BPIFB3: variants seen among roughly 807,000 people sequenced by gnomAD.
The protein encoded by BPIFB3 is BPI fold-containing family B member 3.
BPIFB3 carries 49 observed loss-of-function variants against 53.1 expected under a neutral mutation model. The ratio of observed to expected loss-of-function variants is 0.92; its 90% CI spans 0.73 to 1.17. The LOEUF (loss-of-function observed/expected upper bound fraction) is 1.17. Among genes scored for constraint, BPIFB3 ranks in the 50% most tolerant of loss-of-function variants. The pLI is 0.00. For missense variants in BPIFB3, 628 were observed against 592.5 expected, an observed-to-expected ratio of 1.06 and a Z score of -0.62; for synonymous variants, 271 against 269.6, an observed-to-expected ratio of 1.01 and a Z score of -0.05.
At chr20:33,064,430 C>T (rs762253854) in intron 6 of BPIFB3, 27 bp from the exon 8 acceptor site, 46 of 1,578,076 alleles carry the variant, frequency 2.9e-5, no homozygotes, top group Middle Eastern at 1.7e-4. Flanking sequence ...CTTATAGGGT[C>T]GTTCTCGCCC....
chr20:33,061,778 A>G (rs1393015897), exon 5 of BPIFB3: 1 of 1,614,178 alleles, frequency 6.2e-7, no homozygotes, highest in South Asian at 1.1e-5. Context: ...GCTGCTGCCC[A>G]CACCACTCTT....
rs145354732 is a variant in BPIFB3, at chr20:33,072,724, G to A, written c.1332G>A (p.Leu444=). 144 of 1,612,950 alleles carry A rather than the reference G, an allele frequency of 8.9e-5. No homozygotes were observed. The African/African-American group carries it at 1.7e-3, about 20-fold the overall frequency. The change falls in exon 14 of 15, where the codon CTG becomes CTA. Residue 444 remains leucine, a synonymous_variant. Coordinates refer to ENST00000375494, the Ensembl canonical transcript of BPIFB3. ...ACGATTCTCTTTTCACAGTGGCCCT[G>A]GATGTTGGAATTCCCCTGCCTAAGG...
At chr20:33,063,700 TC>T in intron 6 of BPIFB3, 25 bp downstream of exon 7, 2 of 1,610,380 alleles carry the variant, frequency 1.2e-6, no homozygotes, top group Non-Finnish European at 1.7e-6. Flanking sequence ...AATGCCCTCC[TC>T]TTTGCCCCTT....
At position 33,070,171 on chromosome 20, in the gene BPIFB3, C is replaced by T. The variant is rs563713817; in HGVS notation, c.1217+216C>T. 6.6e-5 allele frequency among the ~76,000 whole-genome samples: 10 copies of T among 152,278 alleles called. No individual in the cohort carries two copies. In the East Asian group the frequency reaches 9.6e-4, roughly 15 times the overall value. ...TCAGAGCAGCAGGCTCAAGAGTGGG[C>T]TTCTTCCACGGCACCCTTTTGCTGC... On this transcript the variant is annotated intron_variant, in intron 11 of 14. Coordinates refer to ENST00000375494, the Ensembl canonical transcript of BPIFB3.
At chr20:33,059,649 A>G (rs897414735) in intron 3 of BPIFB3, among the ~76,000 whole-genome samples, 167 bp downstream of exon 4, 2 of 150,692 alleles carry the variant, frequency 1.3e-5, no homozygotes, top group Non-Finnish European at 3.0e-5. Flanking sequence ...TCCCCCCTGG[A>G]TCCTATGCCA....
At chr20:33,063,409 G>T (rs1310746430) in intron 5 of BPIFB3, among the ~76,000 whole-genome samples, 1 of 152,160 alleles carries the variant, frequency 6.6e-6, no homozygotes, top group African/African-American at 2.4e-5. Flanking sequence ...AGGGAAGACA[G>T]CTTGGGGGCC....
intron 5 of BPIFB3, 63 bp downstream of exon 6, chr20:33,061,894 G>A: frequency 6.3e-7 from 1 of 1,586,320 alleles, no homozygotes; most frequent in South Asian, 1.1e-5. Context: ...TCCCCCTCTG[G>A]TTTTGGGTGA....
chr20:33,059,339 T>A, intron 2 of BPIFB3, 39 bp from the exon 4 acceptor site: 1 of 1,514,018 alleles, frequency 6.6e-7, no homozygotes, highest in Non-Finnish European at 9.1e-7. Flanking sequence ...GGCTGGGATG[T>A]CTGGGAGTGA....
chr20:33,069,665 C>T (rs1478793014), intron 10 of BPIFB3, among the ~76,000 whole-genome samples: 1 of 152,200 alleles, frequency 6.6e-6, no homozygotes, highest in Non-Finnish European at 1.5e-5. Flanking sequence ...CCCAGAGCTT[C>T]CTCTCCTACA....
intron 12 of BPIFB3, among the ~76,000 whole-genome samples, 158 bp downstream of exon 13, chr20:33,071,453 G>A (rs368320028): frequency 3.9e-5 from 6 of 152,114 alleles, no homozygotes; most frequent in African/African-American, 1.4e-4. Context: ...CAGGGCGGGT[G>A]TGCGTGAGAG....
intron 8 of BPIFB3, among the ~76,000 whole-genome samples, chr20:33,066,128 A>G (rs1980661868): frequency 6.6e-6 from 1 of 152,144 alleles, no homozygotes; most frequent in Non-Finnish European, 1.5e-5. Context: ...AGAAGTGGGC[A>G]TATGTAGTTC....
Position 33,070,587 on chromosome 20 carries a change from C to T in BPIFB3, c.1217+632C>T, listed in dbSNP as rs534233471. Among the ~76,000 whole-genome samples, 8 of 152,340 alleles carry T rather than the reference C, an allele frequency of 5.3e-5. No homozygotes were observed. The South Asian group carries it at 6.2e-4, about 12-fold the overall frequency. ...CAGTGCTGTCACCATGGCAGGGCCC[C>T]GGCCTGTCTGTCCCTCCCCTGGCAG... On this transcript the variant is annotated intron_variant, in intron 11 of 14. Transcript: ENST00000375494.
intron 1 of BPIFB3, 57 bp from the exon 3 acceptor site, chr20:33,056,485 G>A: frequency 6.3e-7 from 1 of 1,592,162 alleles, no homozygotes. Context: ...CAGCTGCCAT[G>A]GTCCTGGGGG....
intron 12 of BPIFB3, 49 bp downstream of exon 13, chr20:33,071,344 G>T: frequency 6.5e-7 from 1 of 1,545,264 alleles, no homozygotes. Flanking sequence ...GAGTCTTCAG[G>T]TGTGGCATGG....
At position 33,059,367 on chromosome 20, in the gene BPIFB3, T is replaced by C; in HGVS notation, c.282-11T>C. On this transcript the variant is annotated splice_polypyrimidine_tract_variant and intron_variant, in intron 2 of 14. Coordinates refer to ENST00000375494, the Ensembl canonical transcript of BPIFB3. Reference sequence around the variant, plus strand: ...GGGAGTGAGCAACCCTCTCCCTGACTCCCATCCTAGTCTGAAGATTGAGGA... The same window carrying C: ...GGGAGTGAGCAACCCTCTCCCTGACCCCCATCCTAGTCTGAAGATTGAGGA... The C allele has an allele frequency of 6.2e-7, 1 of 1,603,670 alleles. No homozygotes were observed. The highest frequency in any genetic ancestry group is 2.2e-5 in the East Asian group (1 of 44,668).
At chr20:33,056,799 G>T (rs924302294) in intron 2 of BPIFB3, 101 bp downstream of exon 3, 54 of 1,390,100 alleles carry the variant, frequency 3.9e-5, no homozygotes, top group Non-Finnish European at 4.4e-5. Context: ...GGCAGTGAAG[G>T]TTGTGTGGGA....
At chr20:33,060,688 G>C (rs1475003485) in intron 4 of BPIFB3, among the ~76,000 whole-genome samples, 1 of 152,028 alleles carries the variant, frequency 6.6e-6, no homozygotes, top group Admixed American at 6.6e-5. Flanking sequence ...TTCTGCCTCA[G>C]CCTCCCAAGT....
At chr20:33,059,291 T>C (rs1041252807) in intron 2 of BPIFB3, 87 bp from the exon 4 acceptor site, 1 of 899,342 alleles carries the variant, frequency 1.1e-6, no homozygotes, top group South Asian at 1.5e-5. Context: ...TGAGGTGAGA[T>C]AGGGGACACC....
At chr20:33,066,788 T>A in intron 8 of BPIFB3, 36 bp from the exon 10 acceptor site, 1 of 1,603,616 alleles carries the variant, frequency 6.2e-7, no homozygotes, top group Non-Finnish European at 8.5e-7. Context: ...GTTCTGTCTC[T>A]GTGCTCACCA....
Sources: gnomAD v4.1 joint callset for allele counts (sites outside exome capture counted in the v4.1 genomes callset) on GRCh38, gnomAD v4.1.1 for gene constraint, MANE v1.5 for transcripts, NCBI Gene and HGNC (gene_info 2026-07-23, HGNC 2026-07-21) for gene names.